The following WNT5B variants were observed in gnomAD, a reference collection of about 807,000 sequenced individuals.
WNT5B encodes protein Wnt-5b.
A neutral mutation model predicts 36.5 loss-of-function variants in WNT5B; 18 were observed. The ratio of observed to expected loss-of-function variants is 0.49; its 90% CI spans 0.34 to 0.73. The LOEUF (loss-of-function observed/expected upper bound fraction) is 0.73, where lower values mean the gene tolerates loss of function less well. Ranked by LOEUF, WNT5B falls within the 30% of genes least tolerant of loss-of-function variation. WNT5B has a pLI of 0.01. For missense variants in WNT5B, 424 were observed against 508.4 expected, an observed-to-expected ratio of 0.83 and a Z score of 1.60; for synonymous variants, 213 against 212.3, an observed-to-expected ratio of 1.00 and a Z score of -0.03.
chr12:1,637,831 CCTTAATTAAAAATACTTTATT>C (rs1327215892), intron 3 of WNT5B, among the ~76,000 whole-genome samples: 1 of 152,014 alleles, frequency 6.6e-6, no homozygotes, highest in African/African-American at 2.4e-5. Context: ...AAAGTACATC[CCTTAATTAAAAATACTTTATT>C]GCTAAAAAAT....
upstream of WNT5B, among the ~76,000 whole-genome samples, chr12:1,627,650 C>T (rs1266853077): frequency 1.3e-5 from 2 of 152,156 alleles, no homozygotes; most frequent in Non-Finnish European, 2.9e-5. This position sits in a 1 kb window ranked among gnomAD's most constrained non-coding sequence, Gnocchi z 5.0. Flanking sequence ...CCAACACGCA[C>T]CTCTTTGGTT....
At chr12:1,634,166 G>A (rs764984351) in intron 3 of WNT5B, among the ~76,000 whole-genome samples, 2 of 152,194 alleles carry the variant, frequency 1.3e-5, no homozygotes, top group African/African-American at 2.4e-5. Context: ...GAAGGTCCTA[G>A]TGTTCCTGGG....
chr12:1,640,310 C>G (rs2094572533), intron 4 of WNT5B, among the ~76,000 whole-genome samples: 2 of 152,204 alleles, frequency 1.3e-5, no homozygotes, highest in Admixed American at 6.5e-5. Flanking sequence ...GCCACCCCTC[C>G]TTTGCAACTT....
Position 1,632,626 on chromosome 12 carries a change from CT to C in WNT5B, c.81-25del, listed in dbSNP as rs533460279. On this transcript the variant is annotated intron_variant, in intron 2 of 4. Coordinates refer to ENST00000397196, the MANE Select transcript of WNT5B (RefSeq NM_032642.3). The surrounding 1 kb of genome is among the most constrained non-coding windows in gnomAD (Gnocchi z 5.8). ...CACAGGCGTATGCTCACTCCTGGGC[CT>C]TTTTTTCCCCTTTCTGGATTGCTGT... 4.8e-5 allele frequency: 76 copies of C among 1,579,066 alleles called. No homozygotes were observed. The highest frequency in any genetic ancestry group is 8.6e-5 in the Admixed American group (5 of 57,818).
At chr12:1,637,705 G>A (rs374808461) in intron 3 of WNT5B, among the ~76,000 whole-genome samples, 1 of 151,150 alleles carries the variant, frequency 6.6e-6, no homozygotes, top group African/African-American at 2.4e-5. Context: ...AGCTGAGATC[G>A]TGCCACTGCA....
rs1208673108 is a variant in WNT5B at position 1,647,172 on chromosome 12, A to C, written c.*920A>C. ...CCGGCGTGCTCATCATCTCTGCCCC[A>C]GGTGTACGGTTTCTCTCTGACATTA... On this transcript the variant is annotated 3_prime_UTR_variant, in exon 5 of 5. Transcript: ENST00000397196. The C allele has an allele frequency of 6.6e-6, 1 of 152,256 alleles. No homozygotes were observed. Among genetic ancestry groups the C allele is most frequent in the Non-Finnish European group, 1.5e-5 (1 of 68,112 alleles). The allele number at this position is 152,256 out of a possible 1,614,324, so 9.4% of individuals were successfully genotyped here.
At chr12:1,635,228 G>A (rs754026088) in intron 3 of WNT5B, among the ~76,000 whole-genome samples, 23 of 152,192 alleles carry the variant, frequency 1.5e-4, no homozygotes, top group Non-Finnish European at 2.2e-4. Context: ...TGATAGGTTC[G>A]AACTGTCAGA....
chr12:1,626,776 A>G (rs1033246840), upstream of WNT5B, among the ~76,000 whole-genome samples: 8 of 151,146 alleles, frequency 5.3e-5, no homozygotes, highest in Non-Finnish European at 8.9e-5. Flanking sequence ...CGTGTTAGCC[A>G]GGATGGTCTC....
chr12:1,623,484 C>T (rs1305547188), intron 1 of WNT5B, among the ~76,000 whole-genome samples: 10 of 152,010 alleles, frequency 6.6e-5, no homozygotes, highest in African/African-American at 1.4e-4. Flanking sequence ...CTTGAGCCAC[C>T]GCGCCCGGCC....
chr12:1,634,056 T>A (rs1486130690), intron 3 of WNT5B, among the ~76,000 whole-genome samples: 1 of 152,150 alleles, frequency 6.6e-6, no homozygotes, highest in East Asian at 1.9e-4. Context: ...AAAAAATTTT[T>A]TTTTTCTAAA....
chr12:1,638,392 T>C (rs559768509), intron 3 of WNT5B, among the ~76,000 whole-genome samples: 49 of 152,356 alleles, frequency 3.2e-4, no homozygotes, highest in African/African-American at 1.1e-3. Context: ...TTGTGACTGT[T>C]AGCCTTAGAC....
chr12:1,631,518 C>A, intron 2 of WNT5B, 84 bp downstream of exon 2: 1 of 1,599,074 alleles, frequency 6.3e-7, no homozygotes, highest in Non-Finnish European at 8.5e-7. Flanking sequence ...CACCGTGTGT[C>A]ACGGTAGTAC....
At chr12:1,641,665 G>C (rs776925569) in intron 4 of WNT5B, among the ~76,000 whole-genome samples, 1 of 151,170 alleles carries the variant, frequency 6.6e-6, no homozygotes, top group South Asian at 2.1e-4. Flanking sequence ...TTAGCTGGAC[G>C]TGGTGGCACA....
rs2094586699 is a variant in WNT5B at position 1,646,902 on chromosome 12, C to T, written c.*650C>T. On this transcript the variant is annotated 3_prime_UTR_variant, in exon 5 of 5. Coordinates refer to ENST00000397196, the MANE Select transcript of WNT5B (RefSeq NM_032642.3). ...TGCCTTTCCAGCGAGAATTCTTCAT[C>T]CTCCACGGTTCACTAGCTCCTACCT... The T allele has an allele frequency of 6.6e-6, 1 of 152,304 alleles. No individual in the cohort carries two copies. Among genetic ancestry groups the T allele is most frequent in the Non-Finnish European group, 1.5e-5 (1 of 68,152 alleles). The allele number at this position is 152,304 out of a possible 1,614,324, so 9.4% of individuals were successfully genotyped here. A position where few individuals can be genotyped will look rare whatever the true frequency, so the allele number is the denominator to read the frequency against.
chr12:1,625,589 C>T (rs977250280), upstream of WNT5B, among the ~76,000 whole-genome samples: 4 of 152,206 alleles, frequency 2.6e-5, no homozygotes, highest in African/African-American at 9.6e-5. Flanking sequence ...CATTTCCTTT[C>T]CAAAGACTGC....
At chr12:1,623,453 C>T (rs2094537092) in intron 1 of WNT5B, among the ~76,000 whole-genome samples, 1 of 151,966 alleles carries the variant, frequency 6.6e-6, no homozygotes, top group Non-Finnish European at 1.5e-5. Context: ...CCTCGGCCTC[C>T]CAAAGTGCTG....
chr12:1,639,198 C>T (rs527782083), intron 3 of WNT5B, among the ~76,000 whole-genome samples: 3 of 150,444 alleles, frequency 2.0e-5, no homozygotes, highest in South Asian at 2.1e-4. Context: ...AGTGCAGTGG[C>T]GCGGTCTCAG....
intron 1 of WNT5B, 51 bp from the exon 2 acceptor site, chr12:1,631,246 TG>T: frequency 3.3e-6 from 5 of 1,509,312 alleles, no homozygotes; most frequent in Admixed American, 2.0e-5. Flanking sequence ...GCTCCTGGTC[TG>T]CCCTTATCCG....
chr12:1,630,066 G>A lies in WNT5B; in HGVS notation c.-58+695G>A. ...GGAAGGGCTGTGTCCCAGCTCTCCTGGACCCTGCTCGGGCCACTGTCCTCT... is the reference window on the plus strand; with the variant it reads ...GGAAGGGCTGTGTCCCAGCTCTCCTAGACCCTGCTCGGGCCACTGTCCTCT... On this transcript the variant is annotated intron_variant, in intron 1 of 4. Transcript: ENST00000397196. This position sits in a 1 kb window ranked among gnomAD's most constrained non-coding sequence, Gnocchi z 5.3. 1 of 945,862 alleles carries A rather than the reference G, an allele frequency of 1.1e-6. No homozygotes were observed. Among genetic ancestry groups the A allele is most frequent in the Non-Finnish European group, 1.3e-6 (1 of 793,814 alleles). 58.6% of individuals were successfully genotyped at this position (945,862 alleles called of 1,614,324 possible).
Sources: gnomAD v4.1 joint callset for allele counts (sites outside exome capture counted in the v4.1 genomes callset) on GRCh38, gnomAD v4.1.1 for gene constraint, Gnocchi (gnomAD v3.1) non-coding constraint, MANE v1.5 for transcripts, NCBI Gene and HGNC (gene_info 2026-07-23, HGNC 2026-07-21) for gene names.